Variants in KCNQ2 observed in about 807,000 individuals in gnomAD.
The protein encoded by KCNQ2 is potassium voltage-gated channel subfamily KQT member 2.
Under a neutral mutation model 84.8 loss-of-function variants are expected in KCNQ2, and 14 were observed. The observed-to-expected ratio is 0.17, with a 90% confidence interval of 0.11 to 0.26. KCNQ2 has a LOEUF of 0.26. Ranked by LOEUF, KCNQ2 falls within the 10% of genes least tolerant of loss-of-function variation. The pLI, the probability that KCNQ2 is intolerant of heterozygous loss-of-function variation, is 1.00. For missense variants in KCNQ2, 788 were observed against 1,254.0 expected (o/e 0.63, Z 5.61); for synonymous variants, 599 against 554.1 (o/e 1.08, Z -1.14).
rs112415302 is a variant in KCNQ2, at chr20:63,441,251, G to C, written c.816+1155C>G. ...GAAAACCCCCAAAGGCTGCAAGAAAGGGAAACTGGGGGTAGATCTCATCCC... is the reference window on the plus strand; with the variant it reads ...GAAAACCCCCAAAGGCTGCAAGAAACGGAAACTGGGGGTAGATCTCATCCC... On this transcript the variant is annotated intron_variant, in intron 5 of 16. Coordinates refer to ENST00000359125, the MANE Select transcript of KCNQ2 (RefSeq NM_172107.4). Among the ~76,000 whole-genome samples, 705 of 150,216 alleles carry C rather than the reference G, an allele frequency of 4.7e-3. 7 individuals carry two copies. The highest frequency in any genetic ancestry group is 0.016 in the African/African-American group (658 of 40,774).
At chr20:63,451,980 C>G (rs987417357) in intron 1 of KCNQ2, among the ~76,000 whole-genome samples, 1 of 152,252 alleles carries the variant, frequency 6.6e-6, no homozygotes, top group Non-Finnish European at 1.5e-5. Context: ...CAGAAGCACC[C>G]GGGACCACAC....
chr20:63,445,916 A>G (rs867074683), intron 2 of KCNQ2, among the ~76,000 whole-genome samples: 4 of 13,624 alleles, frequency 2.9e-4, no homozygotes, highest in Non-Finnish European at 3.0e-4. Context: ...GAGCTGGGGG[A>G]CCCTGTCTGA....
At chr20:63,447,103 C>T (rs560482628) in intron 1 of KCNQ2, among the ~76,000 whole-genome samples, 4 of 152,118 alleles carry the variant, frequency 2.6e-5, no homozygotes, top group African/African-American at 9.6e-5. Flanking sequence ...AGGACGCACC[C>T]CCCTCTCCAC....
chr20:63,415,105 A>C lies in KCNQ2; in HGVS notation c.1323T>G (p.Asp441Glu). The C allele has an allele frequency of 6.2e-7, 1 of 1,601,410 alleles. No homozygotes were observed. ...GRSSQKVSLK[D>E]RVFSSPRGVA... ...CGCCTCGGGGGCTGGAGAAGACACG[A>C]TCTTTCAAACTGACCTTCTGGCTGC... Residue 441 changes from aspartate to glutamate, a missense_variant, in exon 13 of 17, where the codon GAT becomes GAG. Around this residue, in one of 8 missense-constraint regions of KCNQ2, gnomAD observed 202 missense variants for 239.4 expected, o/e 0.84. Coordinates refer to ENST00000359125, the MANE Select transcript of KCNQ2 (RefSeq NM_172107.4).
chr20:63,420,971 C>A (rs894496442), intron 11 of KCNQ2, among the ~76,000 whole-genome samples: 2 of 152,160 alleles, frequency 1.3e-5, no homozygotes, highest in Admixed American at 6.5e-5. Context: ...GTCTCTCCCG[C>A]TGTGACCACC....
intron 4 of KCNQ2, among the ~76,000 whole-genome samples, chr20:63,444,303 A>G (rs1343858490): frequency 1.3e-5 from 2 of 152,170 alleles, no homozygotes; most frequent in Non-Finnish European, 2.9e-5. Flanking sequence ...GGTGACTAGC[A>G]CTTTGTATTG....
chr20:63,422,979 C>T (rs1180530134), intron 11 of KCNQ2, among the ~76,000 whole-genome samples: 1 of 152,122 alleles, frequency 6.6e-6, no homozygotes, highest in African/African-American at 2.4e-5. Flanking sequence ...GGGCACAGTG[C>T]TCATCCCCAC....
At position 63,443,048 on chromosome 20, in the gene KCNQ2, T is replaced by TCACCAC. The variant is rs1600773839; in HGVS notation, c.691-518_691-517insGTGGTG. On this transcript the variant is annotated intron_variant, in intron 4 of 16. Transcript: ENST00000359125. ...CATCACATCACCACCACCATCACCA[T>TCACCAC]CATCAGCATCACCATCACCATTATC... Among the ~76,000 whole-genome samples, 6 of 51,998 alleles carry TCACCAC rather than the reference T, an allele frequency of 1.2e-4. No homozygotes were observed. In the East Asian group the frequency reaches 3.1e-3, roughly 27 times the overall value. The allele number at this position is 51,998 out of a possible 152,430, so 34.1% of individuals were successfully genotyped here.
In KCNQ2 at chr20:63,472,382, C is replaced by T; in HGVS notation, c.82G>A (p.Asp28Asn). Residue 28 changes from aspartate (D) to asparagine (N), a missense_variant, in exon 1 of 17, where the codon GAC (aspartate) becomes AAC (asparagine). Around this residue, in one of 8 missense-constraint regions of KCNQ2, gnomAD observed 41 missense variants for 41.2 expected, o/e 0.99. Coordinates refer to ENST00000359125, the MANE Select transcript of KCNQ2 (RefSeq NM_172107.4). The part of the protein sequence containing the change: ...KKLKVGFVGL[D>N]PGAPDSTRDG... ...CGGGTGGAGTCGGGCGCGCCGGGGT[C>T]CAGCCCCACGAAGCCCACCTTCAGC... is the stretch of plus-strand genomic sequence containing the variant. 1 of 1,536,406 alleles carries T rather than the reference C, an allele frequency of 6.5e-7. No individual in the cohort carries two copies. The highest frequency in any genetic ancestry group is 8.7e-7 in the Non-Finnish European group (1 of 1,144,078).
chr20:63,416,216 C>T (rs547006035), intron 12 of KCNQ2, among the ~76,000 whole-genome samples: 99 of 152,300 alleles, frequency 6.5e-4, no homozygotes, highest in South Asian at 2.3e-3. Context: ...CCTCGGCCTG[C>T]GAGGCGTGAA....
At chr20:63,430,973 C>G (rs911057268) in intron 9 of KCNQ2, among the ~76,000 whole-genome samples, 59 of 152,266 alleles carry the variant, frequency 3.9e-4, no homozygotes, top group African/African-American at 1.3e-3. Flanking sequence ...CAGATGGGGC[C>G]TGTGGGGTGG....
rs1181099586 is a variant in KCNQ2 at position 63,408,516 on chromosome 20, C to T, written c.1784G>A (p.Arg595Gln). The T allele has an allele frequency of 2.5e-6, 4 of 1,610,338 alleles. No individual in the cohort carries two copies. Among genetic ancestry groups the T allele is most frequent in the Non-Finnish European group, 2.5e-6 (3 of 1,179,096 alleles). Residue 595 changes from arginine to glutamine, a missense_variant, in exon 16 of 17, where the codon CGG becomes CAG. Coordinates refer to ENST00000359125, the MANE Select transcript of KCNQ2 (RefSeq NM_172107.4). The surrounding 1 kb of genome is among the most constrained non-coding windows in gnomAD (Gnocchi z 5.0). ...GTCCTTGTCCGTGATCGCTGGGCCC[C>T]GCCCCACGATCTGGTCCACTCTACC... The part of the protein sequence containing the change: ...LQSRVDQIVG[R>Q]GPAITDKDRT...
At chr20:63,411,155 C>T (rs896275866) in intron 15 of KCNQ2, 10 of 376,642 alleles carry the variant, frequency 2.7e-5, no homozygotes, top group South Asian at 3.9e-5. Context: ...CTGGAGCGCA[C>T]GCCTGTGCCG....
intron 9 of KCNQ2, among the ~76,000 whole-genome samples, chr20:63,430,388 A>G (rs1180565242): frequency 6.6e-6 from 1 of 152,120 alleles, no homozygotes; most frequent in African/African-American, 2.4e-5. Flanking sequence ...ACCACTGCCC[A>G]GCACTGCACC....
At position 63,432,794 on chromosome 20, in the gene KCNQ2, G is replaced by GGAAGGATCCACCCACAGA. The variant is rs1568914571; in HGVS notation, c.1118+1014_1118+1015insTCTGTGGGTGGATCCTTC. 1.9e-4 allele frequency among the ~76,000 whole-genome samples: 21 copies of GGAAGGATCCACCCACAGA among 108,772 alleles called. 1 individual carries two copies. The highest frequency in any genetic ancestry group is 3.8e-4 in the Non-Finnish European group (16 of 41,816). The allele number at this position is 108,772 out of a possible 152,430, so 71.4% of individuals were successfully genotyped here. The stretch of plus-strand genomic sequence containing the variant: ...CCCTCAGGGAAGGCCCCACCCTCAG[G>GGAAGGATCCACCCACAGA]GAAGGCCCCACCCTCAGGGAAGGCT... On this transcript the variant is annotated intron_variant, in intron 8 of 16. Transcript: ENST00000359125.
chr20:63,468,155 C>G (rs6122459), intron 1 of KCNQ2, among the ~76,000 whole-genome samples: 13,820 of 152,160 alleles, frequency 0.091, 1,048 homozygotes, highest in East Asian at 0.44. Context: ...GTCCAGGAAC[C>G]AGAGAAATCC....
intron 12 of KCNQ2, among the ~76,000 whole-genome samples, chr20:63,417,043 G>C (rs774195844): frequency 6.6e-6 from 1 of 152,194 alleles, no homozygotes; most frequent in Non-Finnish European, 1.5e-5. Flanking sequence ...GCTTGGGGAC[G>C]TCAGGAGCCG....
chr20:63,406,318 C>A lies in KCNQ2; in HGVS notation c.*326G>T. Reference sequence around the variant, plus strand: ...CCCGCCTGTTGCCACGCTGGCAACACCCCGTCATCACTCCCGCCCCTCCTC... The same window carrying A: ...CCCGCCTGTTGCCACGCTGGCAACAACCCGTCATCACTCCCGCCCCTCCTC... On this transcript the variant is annotated 3_prime_UTR_variant, in exon 17 of 17. Transcript: ENST00000359125. The A allele has an allele frequency of 3.1e-6, 1 of 324,896 alleles. No homozygotes were observed. The highest frequency in any genetic ancestry group is 5.7e-6 in the Non-Finnish European group (1 of 174,172). 20.1% of individuals were successfully genotyped at this position (324,896 alleles called of 1,614,324 possible).
chr20:63,415,316 G>A lies in KCNQ2; in HGVS notation c.1302-190C>T, dbSNP rs542320010. 3.1e-3 allele frequency among the ~76,000 whole-genome samples: 465 copies of A among 150,296 alleles called. 1 individual carries two copies. The highest frequency in any genetic ancestry group is 5.8e-3 in the Non-Finnish European group (394 of 67,530). On this transcript the variant is annotated intron_variant, in intron 12 of 16. Transcript: ENST00000359125. Reference sequence around the variant, plus strand: ...GGGACCGAGCACCCGGCGGGAGGGAGGGAGGGGAGGCCACGGGGACCGAGC... The same window carrying A: ...GGGACCGAGCACCCGGCGGGAGGGAAGGAGGGGAGGCCACGGGGACCGAGC...
Sources: allele counts gnomAD v4.1 joint callset (sites outside exome capture counted in the v4.1 genomes callset), GRCh38; gene constraint gnomAD v4.1.1; regional missense constraint gnomAD v4.1.1; non-coding constraint Gnocchi (gnomAD v3.1); transcripts MANE v1.5; gene names NCBI Gene and HGNC (gene_info 2026-07-23, HGNC 2026-07-21).